The following ITGA8 variants were observed in gnomAD, a reference collection of about 807,000 sequenced individuals.
ITGA8 encodes integrin subunit alpha 8.
In ITGA8, 91 loss-of-function variants were observed where a neutral mutation model predicts 142.3. That is an observed-to-expected ratio of 0.64 (90% CI 0.54 to 0.76). The LOEUF is 0.76. Ranked by LOEUF, ITGA8 falls within the 30% of genes least tolerant of loss-of-function variation. The pLI, the probability that ITGA8 is intolerant of heterozygous loss-of-function variation, is 0.00. For missense variants in ITGA8, 1,406 were observed against 1,327.7 expected (o/e 1.06, Z -0.92); for synonymous variants, 505 against 485.2 (o/e 1.04, Z -0.54).
At chr10:15,605,840 ACATC>A (rs1316904353) in intron 18 of ITGA8, 49 bp from the exon 19 acceptor site, 1 of 1,546,742 alleles carries the variant, frequency 6.5e-7, no homozygotes, top group Admixed American at 1.7e-5. Context: ...AATCTGATTC[ACATC>A]CTTTTTCTTG....
chr10:15,711,126 G>A (rs1835355650), intron 2 of ITGA8, among the ~76,000 whole-genome samples: 1 of 152,124 alleles, frequency 6.6e-6, no homozygotes, highest in Non-Finnish European at 1.5e-5. Flanking sequence ...ATTTCATAAG[G>A]ATATAGGAAT....
chr10:15,558,737 A>T (rs1024898516), intron 25 of ITGA8, among the ~76,000 whole-genome samples: 2 of 152,144 alleles, frequency 1.3e-5, no homozygotes, highest in Non-Finnish European at 2.9e-5. Context: ...CCTGACAAAA[A>T]TGACTTTTCG....
At position 15,533,032 on chromosome 10, in the gene ITGA8, G is replaced by C. The variant is rs886174794; in HGVS notation, c.2881-1881C>G. Reference sequence around the variant, plus strand: ...GCTTGAAATCAGTGGCAAATGTTACGGATCGGGGCTCTTTTTCCTTCCCAG... The same window carrying C: ...GCTTGAAATCAGTGGCAAATGTTACCGATCGGGGCTCTTTTTCCTTCCCAG... On this transcript the variant is annotated intron_variant, in intron 27 of 29. Coordinates refer to ENST00000378076, the MANE Select transcript of ITGA8 (RefSeq NM_003638.3). Among the ~76,000 whole-genome samples, 4 of 152,132 alleles carry C rather than the reference G, an allele frequency of 2.6e-5. No individual in the cohort carries two copies. In the South Asian group the frequency reaches 8.3e-4, roughly 32 times the overall value.
chr10:15,677,689 C>G lies in ITGA8; in HGVS notation c.631-52G>C, dbSNP rs371788418. ...CCATAATTGGAAAAGAAATACTAAA[C>G]ATTTTTAAAGGGTGATAAATTGTTG... On this transcript the variant is annotated intron_variant, in intron 5 of 29. Coordinates refer to ENST00000378076, the MANE Select transcript of ITGA8 (RefSeq NM_003638.3). The G allele has an allele frequency of 3.6e-5, 56 of 1,543,182 alleles. No individual in the cohort carries two copies. In the African/African-American group the frequency reaches 7.4e-4, roughly 20 times the overall value.
intron 28 of ITGA8, among the ~76,000 whole-genome samples, chr10:15,523,131 G>T (rs993258670): frequency 2.0e-5 from 3 of 152,178 alleles, no homozygotes; most frequent in African/African-American, 7.2e-5. Flanking sequence ...AGTTGAAATA[G>T]AGGCTCTTCA....
At chr10:15,668,674 T>C (rs1393553381) in intron 8 of ITGA8, among the ~76,000 whole-genome samples, 1 of 152,272 alleles carries the variant, frequency 6.6e-6, no homozygotes, top group Non-Finnish European at 1.5e-5. Flanking sequence ...TTCCTTTCCA[T>C]GTTTAGTGCT....
At chr10:15,539,218 GA>G (rs145273782) in intron 27 of ITGA8, among the ~76,000 whole-genome samples, 20,112 of 152,018 alleles carry the variant, frequency 0.13, 1,451 homozygotes, top group Middle Eastern at 0.19. Flanking sequence ...TACCTCAAAC[GA>G]GGCAACAGAA....
chr10:15,682,102 C>T (rs1340022984), intron 4 of ITGA8, among the ~76,000 whole-genome samples: 1 of 152,148 alleles, frequency 6.6e-6, no homozygotes, highest in Non-Finnish European at 1.5e-5. Context: ...GAATCCCTTT[C>T]TATCGTCTTG....
chr10:15,662,638 C>T (rs889326758), intron 8 of ITGA8, among the ~76,000 whole-genome samples: 2 of 152,014 alleles, frequency 1.3e-5, no homozygotes, highest in African/African-American at 4.8e-5. Context: ...TGTACATGGC[C>T]AGAAGGTTTT....
At chr10:15,566,300 C>T (rs1372490671) in intron 25 of ITGA8, among the ~76,000 whole-genome samples, 1 of 152,224 alleles carries the variant, frequency 6.6e-6, no homozygotes, top group Non-Finnish European at 1.5e-5. Context: ...TCAGCTTTCT[C>T]TCATGTTAAG....
chr10:15,666,712 A>G (rs1834401064), intron 8 of ITGA8, among the ~76,000 whole-genome samples: 1 of 152,158 alleles, frequency 6.6e-6, no homozygotes, highest in Non-Finnish European at 1.5e-5. Context: ...TAATTTATTG[A>G]GAGTTTTTAG....
intron 25 of ITGA8, among the ~76,000 whole-genome samples, chr10:15,564,278 G>C (rs1337017332): frequency 2.0e-5 from 3 of 152,158 alleles, no homozygotes; most frequent in African/African-American, 7.2e-5. Context: ...AAAGGAAGAA[G>C]CTACCCAAGA....
intron 11 of ITGA8, 92 bp from the exon 12 acceptor site, chr10:15,647,143 T>A (rs977586737): frequency 7.3e-5 from 70 of 964,428 alleles, no homozygotes; most frequent in Middle Eastern, 3.3e-4. Context: ...AAATTTCCAT[T>A]GGTATTTTTC....
intron 28 of ITGA8, among the ~76,000 whole-genome samples, chr10:15,524,756 G>C (rs368816766): frequency 6.6e-6 from 1 of 152,322 alleles, no homozygotes; most frequent in East Asian, 1.9e-4. Context: ...ATATGTGTTA[G>C]TGCTGTGGGA....
intron 2 of ITGA8, among the ~76,000 whole-genome samples, chr10:15,699,137 A>T (rs956085924): frequency 1.3e-5 from 2 of 152,158 alleles, no homozygotes; most frequent in Non-Finnish European, 2.9e-5. Flanking sequence ...TACAAAAAGT[A>T]GTTGGGTGTG....
chr10:15,576,826 G>T (rs1834306558), intron 23 of ITGA8, among the ~76,000 whole-genome samples: 1 of 152,188 alleles, frequency 6.6e-6, no homozygotes, highest in South Asian at 2.1e-4. Context: ...ACAACCCACA[G>T]AAATGTTGCT....
intron 22 of ITGA8, among the ~76,000 whole-genome samples, chr10:15,588,670 A>G (rs936887479): frequency 6.6e-6 from 1 of 152,204 alleles, no homozygotes; most frequent in African/African-American, 2.4e-5. Flanking sequence ...AGAATTACGA[A>G]AAAACAAAGT....
intron 6 of ITGA8, among the ~76,000 whole-genome samples, chr10:15,673,645 T>C (rs572987278): frequency 6.6e-6 from 1 of 152,328 alleles, no homozygotes; most frequent in African/African-American, 2.4e-5. Context: ...TGATAAAATA[T>C]ATCAGCTAAG....
chr10:15,572,265 A>T lies in ITGA8; in HGVS notation c.2583T>A (p.Thr861=). Residue 861 remains threonine, a synonymous_variant, in exon 25 of 30, where the codon ACT becomes ACA. Transcript: ENST00000378076. Reference sequence around the variant, plus strand: ...TTGGTTGGCACTGCAGAGGTCCCAGAGTTTGAATATGGAAAATATAGAGAA... The same window carrying T: ...TTGGTTGGCACTGCAGAGGTCCCAGTGTTTGAATATGGAAAATATAGAGAA... The part of the protein sequence containing the change: ...EFLLYIFHIQ[T]LGPLQCQPNP... The T allele has an allele frequency of 2.5e-6, 4 of 1,614,030 alleles. No individual in the cohort carries two copies. Among genetic ancestry groups the T allele is most frequent in the Non-Finnish European group, 3.4e-6 (4 of 1,179,904 alleles).
Sources: gnomAD v4.1 joint callset for allele counts (sites outside exome capture counted in the v4.1 genomes callset) on GRCh38, gnomAD v4.1.1 for gene constraint, MANE v1.5 for transcripts, NCBI Gene and HGNC (gene_info 2026-07-23, HGNC 2026-07-21) for gene names.